Variants in ZKSCAN1 observed in about 807,000 individuals in gnomAD.
The protein encoded by ZKSCAN1 is zinc finger with KRAB and SCAN domains 1.
A neutral mutation model predicts 51.6 loss-of-function variants in ZKSCAN1; 14 were observed. That is an observed-to-expected ratio of 0.27 (90% CI 0.18 to 0.42). The LOEUF (loss-of-function observed/expected upper bound fraction) is 0.42. Among genes scored for constraint, ZKSCAN1 ranks in the 10% least tolerant of loss-of-function variants. The pLI, the probability that ZKSCAN1 is intolerant of heterozygous loss-of-function variation, is 1.00. For synonymous variants in ZKSCAN1, 263 were observed against 261.5 expected (o/e 1.01, Z -0.06); for missense variants, 531 against 710.0 (o/e 0.75, Z 2.86).
At chr7:100,026,230 CAAAAA>C (rs58408632) in intron 3 of ZKSCAN1, among the ~76,000 whole-genome samples, 2 of 47,310 alleles carry the variant, frequency 4.2e-5, no homozygotes, top group East Asian at 5.9e-4. Flanking sequence ...AAACTCATCT[CAAAAA>C]AAAAAAAAAA....
In ZKSCAN1 at chr7:100,035,897, G is replaced by A. The variant is rs752784078; in HGVS notation, c.*1700G>A. ...TCATCGCCACTCAAGTAGGACAAGG[G>A]TCCTACCCAAGGCTAGGACCGCCCT... is the stretch of plus-strand genomic sequence containing the variant. On this transcript the variant is annotated 3_prime_UTR_variant, in exon 6 of 6. Coordinates refer to ENST00000324306, the MANE Select transcript of ZKSCAN1 (RefSeq NM_003439.4). 4.4e-4 allele frequency: 435 copies of A among 985,260 alleles called. No individual in the cohort carries two copies. The highest frequency in any genetic ancestry group is 4.8e-4 in the Non-Finnish European group (400 of 829,952). 61.0% of individuals were successfully genotyped at this position (985,260 alleles called of 1,614,324 possible).
Position 100,029,862 on chromosome 7 carries a change from T to C in ZKSCAN1, c.582T>C (p.Ala194=), listed in dbSNP as rs1198024048. The part of the protein sequence containing the change: ...SRKPRLLQSR[A]LPAAHIPAPP... Reference sequence around the variant, plus strand: ...CACAGACCCTTTCTCCTCCCCCAGCTCTTCCTGCTGCCCACATTCCTGCAC... The same window carrying C: ...CACAGACCCTTTCTCCTCCCCCAGCCCTTCCTGCTGCCCACATTCCTGCAC... Residue 194 remains alanine (A), a splice_region_variant and synonymous_variant, in exon 4 of 6, where the codon GCT becomes GCC. Coordinates refer to ENST00000324306, the MANE Select transcript of ZKSCAN1 (RefSeq NM_003439.4). The C allele has an allele frequency of 8.1e-6, 13 of 1,614,054 alleles. No homozygotes were observed. Among genetic ancestry groups the C allele is most frequent in the Non-Finnish European group, 1.0e-5 (12 of 1,179,978 alleles).
At chr7:100,043,771 ATTTTTTTTTTTTTT>A (rs772298225), downstream of ZKSCAN1, among the ~76,000 whole-genome samples, 1 of 58,920 alleles carries the variant, frequency 1.7e-5, no homozygotes, top group Non-Finnish European at 3.0e-5. Context: ...TTCTTTCTTG[ATTTTTTTTTTTTTT>A]TTTTTTTTTT....
chr7:100,044,951 T>C (rs1791684740), downstream of ZKSCAN1: 4 of 985,120 alleles, frequency 4.1e-6, no homozygotes, highest in Admixed American at 6.2e-5. Flanking sequence ...AAATAGGTGA[T>C]GATGAGAACG....
chr7:100,042,337 A>G (rs998556295), downstream of ZKSCAN1, among the ~76,000 whole-genome samples: 811 of 148,404 alleles, frequency 5.5e-3, 10 homozygotes, highest in African/African-American at 0.019. Flanking sequence ...AAAAAAAAAA[A>G]AGGTGAACTG....
Position 100,038,600 on chromosome 7 carries a change from G to C in ZKSCAN1, c.*4403G>C. ...CGGTCTTCTCCATGAAGCGAGAGTA[G>C]GAAGTGTACTGGAATGGCCAAGTGG... On this transcript the variant is annotated 3_prime_UTR_variant, in exon 6 of 6. Coordinates refer to ENST00000324306, the MANE Select transcript of ZKSCAN1 (RefSeq NM_003439.4). 1.0e-6 allele frequency: 1 copy of C among 985,450 alleles called. No individual in the cohort carries two copies. The highest frequency in any genetic ancestry group is 1.2e-6 in the Non-Finnish European group (1 of 829,938). 61.0% of individuals were successfully genotyped at this position (985,450 alleles called of 1,614,324 possible). A position where few individuals can be genotyped will look rare whatever the true frequency, so the allele number is the denominator to read the frequency against.
intron 5 of ZKSCAN1, among the ~76,000 whole-genome samples, chr7:100,032,797 A>G (rs540721624): frequency 9.2e-5 from 14 of 152,252 alleles, no homozygotes; most frequent in Admixed American, 6.5e-4. Context: ...TCACGAGGTC[A>G]GGAGATCGAG....
rs1287134437 is a variant in ZKSCAN1 at position 100,036,715 on chromosome 7, CAA to C, written c.*2531_*2532del. 1,076 of 773,856 alleles carry C rather than the reference CAA, an allele frequency of 1.4e-3. No homozygotes were observed. Among genetic ancestry groups the C allele is most frequent in the South Asian group, 2.2e-3 (36 of 16,516 alleles). 47.9% of individuals were successfully genotyped at this position (773,856 alleles called of 1,614,324 possible). On this transcript the variant is annotated 3_prime_UTR_variant, in exon 6 of 6. Transcript: ENST00000324306. ...CTGGGTGACTAGCAAAACTCCATCT[CAA>C]AAAAAAAAAAAAGAAAGAAAGAAAC... is the stretch of plus-strand genomic sequence containing the variant.
intron 2 of ZKSCAN1, 48 bp from the exon 3 acceptor site, chr7:100,024,106 C>A (rs1191773519): frequency 6.4e-7 from 1 of 1,567,122 alleles, no homozygotes; most frequent in South Asian, 1.2e-5. Context: ...TATTTTAATT[C>A]CCATTTACAA....
At chr7:100,030,079 C>T in intron 4 of ZKSCAN1, 127 bp downstream of exon 4, 1 of 1,381,438 alleles carries the variant, frequency 7.2e-7, no homozygotes, top group Non-Finnish European at 1.0e-6. Context: ...CTGTCCTCTC[C>T]TTTTAGCATC....
downstream of ZKSCAN1, among the ~76,000 whole-genome samples, chr7:100,044,066 C>T (rs186708252): frequency 1.3e-5 from 2 of 152,152 alleles, no homozygotes; most frequent in Admixed American, 6.5e-5. Flanking sequence ...CGTGAGCCAC[C>T]GCTCCCAGCC....
chr7:100,020,229 G>C (rs35228488), intron 1 of ZKSCAN1, among the ~76,000 whole-genome samples: 47,043 of 152,036 alleles, frequency 0.31, 8,762 homozygotes, highest in Middle Eastern at 0.47. Context: ...ACTGCGGGGG[G>C]AAGTCCCAGG....
At position 100,038,706 on chromosome 7, in the gene ZKSCAN1, G is replaced by A. The variant is rs1791465658; in HGVS notation, c.*4509G>A. On this transcript the variant is annotated 3_prime_UTR_variant, in exon 6 of 6. Transcript: ENST00000324306. Reference sequence around the variant, plus strand: ...CTTAAATCCTTATGCTTAGAAAATTGAGGATAAGGCTGGGCACAGTGGCTC... The same window carrying A: ...CTTAAATCCTTATGCTTAGAAAATTAAGGATAAGGCTGGGCACAGTGGCTC... The A allele has an allele frequency of 1.0e-6, 1 of 985,292 alleles. No individual in the cohort carries two copies. Among genetic ancestry groups the A allele is most frequent in the Non-Finnish European group, 1.2e-6 (1 of 829,952 alleles). The allele number at this position is 985,292 out of a possible 1,614,324, so 61.0% of individuals were successfully genotyped here.
Position 100,036,833 on chromosome 7 carries a change from G to GTT in ZKSCAN1, c.*2646_*2647dup, listed in dbSNP as rs11369732. 30,138 of 816,346 alleles carry GTT rather than the reference G, an allele frequency of 0.037. No homozygotes were observed. Among genetic ancestry groups the GTT allele is most frequent in the South Asian group, 0.061 (1,037 of 16,946 alleles). The allele number at this position is 816,346 out of a possible 1,614,324, so 50.6% of individuals were successfully genotyped here. On this transcript the variant is annotated 3_prime_UTR_variant, in exon 6 of 6. Transcript: ENST00000324306. ...TTGGTCATGTTTACATTGGCCTTTG[G>GTT]TTTTTTTTTTTCTTTCAGCCACAAC... is the stretch of plus-strand genomic sequence containing the variant.
chr7:100,023,530 A>AGCCACGGGTCTGTC lies in ZKSCAN1; in HGVS notation c.25_38dup (p.Gln15ArgfsTer15). Reference sequence around the variant, plus strand: ...GAATGATGACTGCTGAATCACGGGAAGCCACGGGTCTGTCCCCACAGGCTG... The same window carrying AGCCACGGGTCTGTC: ...GAATGATGACTGCTGAATCACGGGAAGCCACGGGTCTGTCGCCACGGGTCTGTCCCCACAGGCTG... On this transcript the variant is annotated frameshift_variant, in exon 2 of 6. Coordinates refer to ENST00000324306, the MANE Select transcript of ZKSCAN1 (RefSeq NM_003439.4). LOFTEE classifies it high-confidence loss of function. 6.2e-7 allele frequency: 1 copy of AGCCACGGGTCTGTC among 1,612,076 alleles called. No homozygotes were observed. The highest frequency in any genetic ancestry group is 8.5e-7 in the Non-Finnish European group (1 of 1,179,472).
chr7:100,028,963 G>A (rs985901213), intron 3 of ZKSCAN1, among the ~76,000 whole-genome samples: 7 of 151,814 alleles, frequency 4.6e-5, no homozygotes, highest in African/African-American at 9.7e-5. Flanking sequence ...TCAGGAGTTC[G>A]AGACCAGCCT....
In ZKSCAN1 at chr7:100,023,647, G is replaced by T. The variant is rs773390004; in HGVS notation, c.141G>T (p.Thr47=). Residue 47 remains threonine, a synonymous_variant, in exon 2 of 6, where the codon ACG becomes ACT. Coordinates refer to ENST00000324306, the MANE Select transcript of ZKSCAN1 (RefSeq NM_003439.4). ...MWGQDSTLQD[T]PPPDPEIFRQ... ...GGCAGGATTCCACCCTACAGGACACGCCTCCTCCAGACCCAGAGATATTCC... is the reference window on the plus strand; with the variant it reads ...GGCAGGATTCCACCCTACAGGACACTCCTCCTCCAGACCCAGAGATATTCC... 2.5e-6 allele frequency: 4 copies of T among 1,613,990 alleles called. No homozygotes were observed. The highest frequency in any genetic ancestry group is 1.1e-5 in the South Asian group (1 of 91,086).
chr7:100,026,675 A>T (rs1208456287), intron 3 of ZKSCAN1, among the ~76,000 whole-genome samples: 1 of 151,976 alleles, frequency 6.6e-6, no homozygotes, highest in Non-Finnish European at 1.5e-5. Flanking sequence ...TGGTGAGCCA[A>T]GATTGCACCA....
In ZKSCAN1 at chr7:100,023,873, A is replaced by G. The variant is rs764545161; in HGVS notation, c.367A>G (p.Ser123Gly). The change falls in exon 2 of 6, where the codon AGT becomes GGT. Residue 123 changes from serine (S) to glycine (G), a missense_variant. Transcript: ENST00000324306. Reference sequence around the variant, plus strand: ...CTGGCTGCAGGAATACCGCCCCGATAGTGGAGAGGAGGCCGTGACCCTTCT... The same window carrying G: ...CTGGCTGCAGGAATACCGCCCCGATGGTGGAGAGGAGGCCGTGACCCTTCT... ...QVWLQEYRPD[S>G]GEEAVTLLED... 6.2e-7 allele frequency: 1 copy of G among 1,612,666 alleles called. No homozygotes were observed. Among genetic ancestry groups the G allele is most frequent in the South Asian group, 1.1e-5 (1 of 91,016 alleles).
Sources: gnomAD v4.1 joint callset for allele counts (sites outside exome capture counted in the v4.1 genomes callset) on GRCh38, gnomAD v4.1.1 for gene constraint, MANE v1.5 for transcripts, NCBI Gene and HGNC (gene_info 2026-07-23, HGNC 2026-07-21) for gene names.